NANOS3: variants seen among roughly 807,000 people sequenced by gnomAD.
NANOS3 encodes nanos homolog 3.
NANOS3 carries 11 observed loss-of-function variants against 13.8 expected under a neutral mutation model. That is an observed-to-expected ratio of 0.80 (90% CI 0.50 to 1.32). The LOEUF is 1.32. Among genes scored for constraint, NANOS3 ranks in the 40% most tolerant of loss-of-function variants. The pLI is 0.00. For missense variants in NANOS3, 221 were observed against 263.8 expected (o/e 0.84, Z 1.12); for synonymous variants, 119 against 115.4 (o/e 1.03, Z -0.20).
chr19:13,875,203 T>G (rs79435867), upstream of NANOS3, among the ~76,000 whole-genome samples: 1 of 151,658 alleles, frequency 6.6e-6, no homozygotes, highest in Admixed American at 6.6e-5. Flanking sequence ...TTTTTTTTTT[T>G]TAAGACAGAG....
upstream of NANOS3, among the ~76,000 whole-genome samples, chr19:13,874,514 C>G (rs1438623450): frequency 6.6e-6 from 1 of 152,220 alleles, no homozygotes; most frequent in Non-Finnish European, 1.5e-5. Flanking sequence ...ATCCCCATAG[C>G]AAAGGCTACA....
chr19:13,868,932 C>T (rs998480061), intron 1 of NANOS3, among the ~76,000 whole-genome samples: 18 of 152,078 alleles, frequency 1.2e-4, no homozygotes, highest in African/African-American at 3.9e-4. Context: ...TACACACACA[C>T]GCACACACAC....
chr19:13,880,359 C>A, intron 1 of NANOS3, 83 bp from the exon 2 acceptor site: 1 of 1,347,706 alleles, frequency 7.4e-7, no homozygotes, highest in Admixed American at 1.7e-5. Context: ...TCCAGCAGGC[C>A]CGGAGGCCGA....
chr19:13,880,400 A>T (rs1228290814), intron 1 of NANOS3, 42 bp from the exon 2 acceptor site: 1 of 1,596,754 alleles, frequency 6.3e-7, no homozygotes, highest in Admixed American at 1.7e-5. Flanking sequence ...GCGTTGAGTC[A>T]TCGCCTGTGA....
chr19:13,862,260 T>A (rs2145058446), upstream of NANOS3: 1 of 151,924 alleles, frequency 6.6e-6, no homozygotes, highest in African/African-American at 2.4e-5. Flanking sequence ...CCCTTCCTTC[T>A]GGGGACTCTG....
chr19:13,865,296 C>CT (rs1389369841), upstream of NANOS3: 4 of 145,824 alleles, frequency 2.7e-5, no homozygotes, highest in Admixed American at 2.0e-4. Context: ...CCTCCCCCCC[C>CT]CCGCCCACGG....
rs1968528789 is a variant in NANOS3 at position 13,877,183 on chromosome 19, G to A, written c.-66G>A. 2 of 1,381,372 alleles carry A rather than the reference G, an allele frequency of 1.4e-6. No individual in the cohort carries two copies. The highest frequency in any genetic ancestry group is 1.4e-5 in the African/African-American group (1 of 69,992). The allele number at this position is 1,381,372 out of a possible 1,614,324, so 85.6% of individuals were successfully genotyped here. ...GGCAGCAGAGAGGGGTCAGAAGGAG[G>A]GAGCTTAAGCCAGGCAGGGTTACTT... On this transcript the variant is annotated 5_prime_UTR_variant, in exon 1 of 2. Transcript: ENST00000339133.
chr19:13,872,360 A>AGAGAGAGAG (rs1467068692), upstream of NANOS3, among the ~76,000 whole-genome samples: 15 of 141,156 alleles, frequency 1.1e-4, no homozygotes, highest in African/African-American at 4.0e-4. Context: ...AAAAAAAAAA[A>AGAGAGAGAG]AGAGAGAGAG....
chr19:13,866,533 C>G (rs1329428925), intron 1 of NANOS3, among the ~76,000 whole-genome samples: 1 of 152,216 alleles, frequency 6.6e-6, no homozygotes. Context: ...ACAGTCCCCA[C>G]AATAACACTG....
At chr19:13,874,928 T>G (rs1968478745), upstream of NANOS3, 2 of 530,568 alleles carry the variant, frequency 3.8e-6, no homozygotes. Flanking sequence ...TTGTTGTCGG[T>G]GGGTTGTGAG....
upstream of NANOS3, among the ~76,000 whole-genome samples, chr19:13,865,236 G>A (rs1367117964): frequency 6.8e-6 from 1 of 147,174 alleles, no homozygotes; most frequent in African/African-American, 2.5e-5. Context: ...AGACAGGCGG[G>A]CGGGCGGCGG....
Position 13,877,541 on chromosome 19 carries a change from A to G in NANOS3, c.293A>G (p.Glu98Gly), listed in dbSNP as rs1203843432. The G allele has an allele frequency of 4.3e-6, 7 of 1,612,444 alleles. No homozygotes were observed. Among genetic ancestry groups the G allele is most frequent in the Non-Finnish European group, 3.4e-6 (4 of 1,180,002 alleles). The change falls in exon 1 of 2, where the codon GAG becomes GGG. Residue 98 changes from glutamate (E) to glycine (G), a missense_variant. Glu to Gly is a moderately conservative substitution (Grantham distance 98). Around this residue, in one of 3 missense-constraint regions of NANOS3, gnomAD observed 49 missense variants for 91.0 expected, o/e 0.54. Transcript: ENST00000339133. ...AIYQSHVLKD[E>G]AGRVLCPILR... ...TACCAGTCCCACGTGCTGAAGGACGAGGCTGGCAGGGTGCTGTGTCCCATC... is the reference window on the plus strand; with the variant it reads ...TACCAGTCCCACGTGCTGAAGGACGGGGCTGGCAGGGTGCTGTGTCCCATC...
chr19:13,872,943 G>A (rs1169182206), upstream of NANOS3, among the ~76,000 whole-genome samples: 2 of 152,002 alleles, frequency 1.3e-5, no homozygotes, highest in African/African-American at 2.4e-5. Context: ...CGAGTTAGCC[G>A]GGATCGGGCT....
chr19:13,876,786 CTTT>C (rs917412963), upstream of NANOS3, among the ~76,000 whole-genome samples: 4 of 152,220 alleles, frequency 2.6e-5, no homozygotes, highest in African/African-American at 9.7e-5. Context: ...AAGTTAACTT[CTTT>C]AAGTTACTGG....
intron 1 of NANOS3, among the ~76,000 whole-genome samples, chr19:13,865,942 G>C (rs945696588): frequency 4.6e-5 from 7 of 151,942 alleles, no homozygotes; most frequent in Non-Finnish European, 7.4e-5. Flanking sequence ...GCGCGCGTTC[G>C]TGAAGGCTGC....
At chr19:13,878,855 C>T (rs1348408867) in intron 1 of NANOS3, among the ~76,000 whole-genome samples, 3 of 152,038 alleles carry the variant, frequency 2.0e-5, no homozygotes, top group Non-Finnish European at 2.9e-5. Context: ...CTTAGGTGAT[C>T]CTCCTGCCTA....
chr19:13,877,737 C>A lies in NANOS3; in HGVS notation c.489C>A (p.Gly163=), dbSNP rs753075343. ...ACAAGGCGAAGACACAGGACACAGG[C>A]CACCGCCGAGGAGGAGGAGGAGGAG... ...RPDKAKTQDT[G]HRRGGGGGAG... Residue 163 remains glycine (G), a synonymous_variant, in exon 1 of 2, where the codon GGC becomes GGA. Coordinates refer to ENST00000339133, the MANE Select transcript of NANOS3 (RefSeq NM_001098622.3). The A allele has an allele frequency of 2.5e-6, 4 of 1,586,112 alleles. No homozygotes were observed. Among genetic ancestry groups the A allele is most frequent in the Admixed American group, 1.8e-5 (1 of 56,022 alleles).
chr19:13,863,309 A>G (rs1976184122), upstream of NANOS3, among the ~76,000 whole-genome samples: 1 of 152,102 alleles, frequency 6.6e-6, no homozygotes, highest in African/African-American at 2.4e-5. Context: ...TCCTGGGCTC[A>G]ACGGATCCTT....
At chr19:13,873,619 G>A (rs183344766), upstream of NANOS3, among the ~76,000 whole-genome samples, 103 of 152,198 alleles carry the variant, frequency 6.8e-4, no homozygotes, top group African/African-American at 2.3e-3. Flanking sequence ...TAAGACTACA[G>A]GCTCACTACA....
Sources: allele counts gnomAD v4.1 joint callset (sites outside exome capture counted in the v4.1 genomes callset), GRCh38; gene constraint gnomAD v4.1.1; regional missense constraint gnomAD v4.1.1; transcripts MANE v1.5; gene names NCBI Gene and HGNC (gene_info 2026-07-23, HGNC 2026-07-21).